Variants in LIMS1 observed in about 807,000 individuals in gnomAD.
LIMS1 encodes LIM and senescent cell antigen-like-containing domain protein 1.
Under a neutral mutation model 44.1 loss-of-function variants are expected in LIMS1, and 18 were observed. The observed-to-expected ratio is 0.41, with a 90% CI of 0.28 to 0.61. The LOEUF (loss-of-function observed/expected upper bound fraction) is 0.61. Ranked by LOEUF, LIMS1 falls within the 20% of genes least tolerant of loss-of-function variation. LIMS1 has a pLI of 0.32. For missense variants in LIMS1, 201 were observed against 422.0 expected, an observed-to-expected ratio of 0.48 and a Z score of 4.59; for synonymous variants, 93 against 149.1, an observed-to-expected ratio of 0.62 and a Z score of 2.74.
chr2:108,608,073 C>T (rs1178059750), intron 1 of LIMS1, among the ~76,000 whole-genome samples: 1 of 152,138 alleles, frequency 6.6e-6, no homozygotes, highest in Non-Finnish European at 1.5e-5. Context: ...GAAATAACAC[C>T]TTACAGAGTT....
intron 1 of LIMS1, among the ~76,000 whole-genome samples, chr2:108,613,586 T>G (rs529226886): frequency 6.6e-6 from 1 of 152,278 alleles, no homozygotes; most frequent in South Asian, 2.1e-4. Flanking sequence ...TTCCATGGAC[T>G]GCCATGTGGC....
At chr2:108,614,439 A>G (rs1012097124) in intron 1 of LIMS1, among the ~76,000 whole-genome samples, 1 of 152,184 alleles carries the variant, frequency 6.6e-6, no homozygotes, top group African/African-American at 2.4e-5. Context: ...CTTAGCTTGT[A>G]TCCTATGGTC....
At chr2:108,545,535 G>C (rs1425232989) in intron 1 of LIMS1, among the ~76,000 whole-genome samples, 1 of 152,216 alleles carries the variant, frequency 6.6e-6, no homozygotes, top group African/African-American at 2.4e-5. Flanking sequence ...CACCGTGCCG[G>C]TGCATCCTCT....
chr2:108,680,533 T>C (rs1692904250), intron 8 of LIMS1, among the ~76,000 whole-genome samples, 162 bp from the exon 9 acceptor site: 1 of 122,430 alleles, frequency 8.2e-6, no homozygotes. Flanking sequence ...CAAGACCCTG[T>C]CTCATTTAAA....
chr2:108,649,683 G>GAA (rs1274799020), intron 1 of LIMS1, among the ~76,000 whole-genome samples: 2 of 152,190 alleles, frequency 1.3e-5, no homozygotes. Flanking sequence ...GGACATGGAT[G>GAA]ATGCTGGAAA....
intron 1 of LIMS1, among the ~76,000 whole-genome samples, chr2:108,587,290 T>TGTGTGTGTG (rs1686149698): frequency 2.8e-5 from 3 of 106,024 alleles, no homozygotes; most frequent in African/African-American, 9.0e-5. Context: ...TTCTTGGGGT[T>TGTGTGTGTG]TGTGTGTGTG....
At chr2:108,660,107 C>A in intron 2 of LIMS1, 1 of 443,006 alleles carries the variant, frequency 2.3e-6, no homozygotes, top group Non-Finnish European at 4.4e-6. Flanking sequence ...TCAGGCCCCC[C>A]ACACACCTCA....
At chr2:108,556,658 G>C (rs577265687) in intron 1 of LIMS1, among the ~76,000 whole-genome samples, 1 of 152,276 alleles carries the variant, frequency 6.6e-6, no homozygotes, top group African/African-American at 2.4e-5. Context: ...GAAAGAATGA[G>C]GGTCAGTGAT....
intron 1 of LIMS1, among the ~76,000 whole-genome samples, chr2:108,613,004 A>T (rs766622767): frequency 3.3e-5 from 5 of 152,084 alleles, no homozygotes; most frequent in African/African-American, 4.8e-5. Context: ...GGAATCTTTG[A>T]GTCAAATCAA....
At chr2:108,583,504 A>T (rs991488441) in intron 1 of LIMS1, among the ~76,000 whole-genome samples, 1 of 152,210 alleles carries the variant, frequency 6.6e-6, no homozygotes, top group Non-Finnish European at 1.5e-5. Flanking sequence ...GAGTATATAA[A>T]GGTGGAGACA....
chr2:108,622,797 C>A (rs1286620220), intron 1 of LIMS1, among the ~76,000 whole-genome samples: 1 of 152,018 alleles, frequency 6.6e-6, no homozygotes, highest in Non-Finnish European at 1.5e-5. Context: ...GTTTTAATTT[C>A]AGATTTCGGG....
chr2:108,678,251 G>A (rs556967460), intron 8 of LIMS1, among the ~76,000 whole-genome samples: 2 of 152,362 alleles, frequency 1.3e-5, no homozygotes, highest in South Asian at 2.1e-4. Context: ...CACTGCTGCA[G>A]TGTTGTATGC....
chr2:108,587,813 C>T (rs1558798535), intron 1 of LIMS1, among the ~76,000 whole-genome samples: 1 of 152,210 alleles, frequency 6.6e-6, no homozygotes, highest in Admixed American at 6.5e-5. Context: ...CTTGCTGCTT[C>T]TGCACTGTGT....
intron 1 of LIMS1, among the ~76,000 whole-genome samples, chr2:108,615,627 C>A (rs542899867): frequency 6.6e-6 from 1 of 152,282 alleles, no homozygotes; most frequent in Admixed American, 6.5e-5. Flanking sequence ...ACCCCAAAGG[C>A]CTGGCACACT....
intron 1 of LIMS1, among the ~76,000 whole-genome samples, chr2:108,581,031 C>T (rs961015304): frequency 2.0e-5 from 3 of 152,160 alleles, no homozygotes; most frequent in Non-Finnish European, 4.4e-5. Context: ...ATCTTCTCAC[C>T]GTATTGCCAT....
intron 1 of LIMS1, among the ~76,000 whole-genome samples, chr2:108,611,678 G>A (rs1318104293): frequency 6.6e-6 from 1 of 151,696 alleles, no homozygotes; most frequent in Non-Finnish European, 1.5e-5. Flanking sequence ...TCAGGAGTTC[G>A]AGACCAGCCT....
At chr2:108,672,026 G>A (rs1397968875) in intron 3 of LIMS1, among the ~76,000 whole-genome samples, 1 of 152,108 alleles carries the variant, frequency 6.6e-6, no homozygotes, top group East Asian at 1.9e-4. Flanking sequence ...AAATAGCCGG[G>A]CGTGGTGGCA....
At chr2:108,665,905 G>A (rs1473567765) in intron 2 of LIMS1, among the ~76,000 whole-genome samples, 1 of 152,224 alleles carries the variant, frequency 6.6e-6, no homozygotes, top group Non-Finnish European at 1.5e-5. Flanking sequence ...GGAAAGCTCT[G>A]GGAGAGCAAA....
chr2:108,639,030 G>A (rs1248867757), intron 1 of LIMS1, among the ~76,000 whole-genome samples: 1 of 151,890 alleles, frequency 6.6e-6, no homozygotes, highest in Non-Finnish European at 1.5e-5. Flanking sequence ...GTGACAGAGT[G>A]AGACTCCGTC....
Sources: allele counts gnomAD v4.1 joint callset (sites outside exome capture counted in the v4.1 genomes callset), GRCh38; gene constraint gnomAD v4.1.1; transcripts MANE v1.5; gene names NCBI Gene and HGNC (gene_info 2026-07-23, HGNC 2026-07-21).